The following TMEM135 variants were observed in gnomAD, a reference collection of about 807,000 sequenced individuals.
TMEM135 encodes the protein peroxisomal membrane protein 52.
A neutral mutation model predicts 60.3 loss-of-function variants in TMEM135; 30 were observed. The observed-to-expected ratio is 0.50, with a 90% CI of 0.37 to 0.68. The LOEUF (loss-of-function observed/expected upper bound fraction) is 0.68. Ranked by LOEUF, TMEM135 falls within the 30% of genes least tolerant of loss-of-function variation. The pLI, the probability that TMEM135 is intolerant of heterozygous loss-of-function variation, is 0.00. For missense variants in TMEM135, 468 were observed against 548.8 expected (o/e 0.85, Z 1.47); for synonymous variants, 190 against 186.7 (o/e 1.02, Z -0.14).
Position 87,157,416 on chromosome 11 carries a change from G to T in TMEM135, c.462+10G>T. On this transcript the variant is annotated intron_variant, in intron 5 of 14. Coordinates refer to ENST00000305494, the MANE Select transcript of TMEM135 (RefSeq NM_022918.4). ...ATTAAGAAATGGAGAAGTAAGATGA[G>T]AATTTTGATATAGTTATTAGTTGTT... The T allele has an allele frequency of 6.2e-7, 1 of 1,607,932 alleles. No individual in the cohort carries two copies. The highest frequency in any genetic ancestry group is 8.5e-7 in the Non-Finnish European group (1 of 1,174,952).
At chr11:87,106,390 C>G (rs145285451) in intron 4 of TMEM135, among the ~76,000 whole-genome samples, 222 of 152,240 alleles carry the variant, frequency 1.5e-3, no homozygotes, top group Admixed American at 3.3e-3. Context: ...AAGCATGAGC[C>G]ACTGCACCCG....
At chr11:87,091,222 T>C in intron 3 of TMEM135, 140 bp from the exon 4 acceptor site, 1 of 681,020 alleles carries the variant, frequency 1.5e-6, no homozygotes, top group Admixed American at 2.8e-5. Flanking sequence ...TAGTTCGGCA[T>C]AATTTACCTG....
chr11:87,311,769 A>G (rs955050991), intron 10 of TMEM135, among the ~76,000 whole-genome samples: 8 of 152,044 alleles, frequency 5.3e-5, no homozygotes, highest in African/African-American at 1.2e-4. Context: ...GAATCTTAAG[A>G]GAAGAGCAGG....
intron 5 of TMEM135, among the ~76,000 whole-genome samples, chr11:87,233,122 G>A (rs932236406): frequency 6.6e-6 from 1 of 152,116 alleles, no homozygotes. Context: ...CTGCACTTTA[G>A]CCTGGTGACA....
chr11:87,300,028 T>C (rs772648687), intron 7 of TMEM135, among the ~76,000 whole-genome samples: 1 of 152,156 alleles, frequency 6.6e-6, no homozygotes, highest in African/African-American at 2.4e-5. Flanking sequence ...TAGGGAAGAA[T>C]GATCCAGATA....
At chr11:87,123,461 T>A (rs1389790527) in intron 4 of TMEM135, among the ~76,000 whole-genome samples, 1 of 152,206 alleles carries the variant, frequency 6.6e-6, no homozygotes, top group African/African-American at 2.4e-5. Context: ...TAAAGACACC[T>A]GTCATTGGAT....
chr11:87,261,191 T>G (rs1285124892), intron 6 of TMEM135, among the ~76,000 whole-genome samples: 1 of 152,168 alleles, frequency 6.6e-6, no homozygotes, highest in African/African-American at 2.4e-5. Flanking sequence ...ATATAATTAC[T>G]TTAGAAGGTC....
At chr11:87,258,000 C>A (rs1941563187) in intron 6 of TMEM135, among the ~76,000 whole-genome samples, 1 of 152,016 alleles carries the variant, frequency 6.6e-6, no homozygotes, top group Non-Finnish European at 1.5e-5. Flanking sequence ...ATATGTACGT[C>A]TAAGTCCCTT....
chr11:87,173,783 C>G (rs604035), intron 5 of TMEM135, among the ~76,000 whole-genome samples: 56,102 of 151,832 alleles, frequency 0.37, 10,897 homozygotes, highest in East Asian at 0.67. Context: ...TATTTTGATC[C>G]ACAGCTATAC....
intron 5 of TMEM135, among the ~76,000 whole-genome samples, chr11:87,188,127 G>A (rs896433985): frequency 2.6e-5 from 4 of 152,096 alleles, no homozygotes; most frequent in Admixed American, 6.5e-5. Context: ...TCAGCAGATC[G>A]CTATGTGGTG....
Position 87,321,275 on chromosome 11 carries a change from C to T in TMEM135, c.1319C>T (p.Pro440Leu). 1 of 1,613,592 alleles carries T rather than the reference C, an allele frequency of 6.2e-7. No individual in the cohort carries two copies. Among genetic ancestry groups the T allele is most frequent in the East Asian group, 2.2e-5 (1 of 44,854 alleles). ...GASKHFQDFI[P>L]RLDPRYTTVT... is the part of the protein sequence containing the mutation. ...TCTAAACACTTTCAGGATTTCATCCCCAGGTTGGATCCAAGATACACAACT... is the reference window on the plus strand; with the variant it reads ...TCTAAACACTTTCAGGATTTCATCCTCAGGTTGGATCCAAGATACACAACT... The change falls in exon 15 of 15, where the codon CCC becomes CTC. Residue 440 changes from proline (P) to leucine (L), a missense_variant. Physicochemically the swap from Pro to Leu is moderately conservative, Grantham distance 98. Coordinates refer to ENST00000305494, the MANE Select transcript of TMEM135 (RefSeq NM_022918.4).
At chr11:87,224,895 T>C (rs1231618752) in intron 5 of TMEM135, among the ~76,000 whole-genome samples, 3 of 152,098 alleles carry the variant, frequency 2.0e-5, no homozygotes, top group African/African-American at 7.2e-5. Context: ...TTACTATATA[T>C]GTAAACAAGT....
At chr11:87,293,651 G>T (rs954330184) in intron 6 of TMEM135, among the ~76,000 whole-genome samples, 5 of 152,114 alleles carry the variant, frequency 3.3e-5, no homozygotes, top group African/African-American at 7.2e-5. Context: ...GAGGATTATG[G>T]CTTCCAGCTT....
intron 6 of TMEM135, among the ~76,000 whole-genome samples, chr11:87,255,910 T>C (rs1941519791): frequency 6.6e-6 from 1 of 152,226 alleles, no homozygotes; most frequent in Admixed American, 6.5e-5. Context: ...ATCTTCAATG[T>C]AGCTATAAGA....
At chr11:87,075,294 G>A (rs1226797134) in intron 3 of TMEM135, among the ~76,000 whole-genome samples, 1 of 152,018 alleles carries the variant, frequency 6.6e-6, no homozygotes, top group Non-Finnish European at 1.5e-5. Flanking sequence ...GAGTAGCTGG[G>A]ACTATAGGTG....
At chr11:87,084,211 A>G (rs941997617) in intron 3 of TMEM135, among the ~76,000 whole-genome samples, 2 of 152,202 alleles carry the variant, frequency 1.3e-5, no homozygotes, top group African/African-American at 4.8e-5. Flanking sequence ...GGATGTGTGG[A>G]TACTTTTTAA....
chr11:87,189,839 C>G (rs539208294), intron 5 of TMEM135, among the ~76,000 whole-genome samples: 1 of 151,406 alleles, frequency 6.6e-6, no homozygotes, highest in South Asian at 2.1e-4. Flanking sequence ...ATCATTTGAG[C>G]CTGGGAAGTT....
intron 4 of TMEM135, among the ~76,000 whole-genome samples, chr11:87,101,717 A>T (rs1426073229): frequency 1.3e-5 from 2 of 152,138 alleles, no homozygotes; most frequent in Non-Finnish European, 2.9e-5. Flanking sequence ...GCTCACGCCT[A>T]TAATCCCAGC....
At chr11:87,320,426 G>A (rs1379201853) in intron 14 of TMEM135, among the ~76,000 whole-genome samples, 1 of 152,014 alleles carries the variant, frequency 6.6e-6, no homozygotes, top group Admixed American at 6.6e-5. Flanking sequence ...TTTACTAATT[G>A]ATTATTTTGG....
Sources: gnomAD v4.1 joint callset for allele counts (sites outside exome capture counted in the v4.1 genomes callset) on GRCh38, gnomAD v4.1.1 for gene constraint, MANE v1.5 for transcripts, NCBI Gene and HGNC (gene_info 2026-07-23, HGNC 2026-07-21) for gene names.